Variants in PGF observed in about 807,000 individuals in gnomAD.
The protein encoded by PGF is placental growth factor.
PGF carries 11 observed loss-of-function variants against 25.3 expected under a neutral mutation model. The observed-to-expected ratio is 0.43, with a 90% CI of 0.27 to 0.72. PGF has a LOEUF of 0.72. PGF is among the 30% of genes least tolerant of loss of function. PGF has a pLI of 0.18. For synonymous variants in PGF, 105 were observed against 97.9 expected, an observed-to-expected ratio of 1.07 and a Z score of -0.43; for missense variants, 230 against 234.9, an observed-to-expected ratio of 0.98 and a Z score of 0.14.
Position 74,948,547 on chromosome 14 carries a change from C to T in PGF, c.352G>A (p.Val118Met), listed in dbSNP as rs140548843. 3.3e-5 allele frequency: 53 copies of T among 1,604,760 alleles called. No homozygotes were observed. Among genetic ancestry groups the T allele is most frequent in the African/African-American group, 2.0e-4 (15 of 74,712 alleles). ...KIRSGDRPSY[V>M]ELTFSQHVRC... ...ACGTGCTGAGAGAACGTCAGCTCCA[C>T]GTAGGAGGGCCGGTCCCCAGAACGG... The change falls in exon 4 of 7, where the codon GTG (valine) becomes ATG (methionine). Residue 118 changes from valine to methionine, a missense_variant. Transcript: ENST00000555567.
At chr14:74,946,522 C>G in intron 4 of PGF, 114 bp from the exon 5 acceptor site, 1 of 956,308 alleles carries the variant, frequency 1.0e-6, no homozygotes, top group East Asian at 2.6e-5. Context: ...CTGCAGCTGA[C>G]ACTGAGGCCA....
intron 4 of PGF, chr14:74,946,694 G>A: frequency 4.4e-6 from 3 of 680,440 alleles, no homozygotes; most frequent in Non-Finnish European, 5.4e-6. Flanking sequence ...ATCAAATTTG[G>A]TTGTTTCTGT....
At chr14:74,945,988 A>T (rs1281265566) in intron 6 of PGF, 1 of 570,184 alleles carries the variant, frequency 1.8e-6, no homozygotes, top group African/African-American at 1.9e-5. Flanking sequence ...CAAAGGTGAA[A>T]TGATTTGTTG....
rs138492900 is a variant in PGF at position 74,950,463 on chromosome 14, C to T, written c.119-910G>A. On this transcript the variant is annotated intron_variant, in intron 2 of 6. Transcript: ENST00000555567. The surrounding 1 kb of genome is among the most constrained non-coding windows in gnomAD (Gnocchi z 4.1). ...AGATGACATTTCACTGAGGATCATC[C>T]GGGTCATCCCTGACCTCACGATGTC... Among the ~76,000 whole-genome samples, 3 of 152,318 alleles carry T rather than the reference C, an allele frequency of 2.0e-5. No homozygotes were observed. Among genetic ancestry groups the T allele is most frequent in the East Asian group, 1.9e-4 (1 of 5,190 alleles).
At chr14:74,946,750 T>C (rs1888747258) in intron 4 of PGF, 1 of 704,054 alleles carries the variant, frequency 1.4e-6, no homozygotes, top group Non-Finnish European at 2.6e-6. Flanking sequence ...GCTGCTTTTT[T>C]CCGTTCCTTC....
At chr14:74,954,057 C>T (rs1888930043) in intron 1 of PGF, 111 bp from the exon 2 acceptor site, 1 of 962,016 alleles carries the variant, frequency 1.0e-6, no homozygotes. Flanking sequence ...TTCCCACTTG[C>T]TGCACATGCT....
At chr14:74,947,560 T>C (rs1888768772) in intron 4 of PGF, 1 of 152,224 alleles carries the variant, frequency 6.6e-6, no homozygotes, top group African/African-American at 2.4e-5. Context: ...TATTGAGCCT[T>C]GATTTTCTCA....
rs1164086684 is a variant in PGF, at chr14:74,942,662, A to C, written c.*44T>G. On this transcript the variant is annotated 3_prime_UTR_variant, in exon 7 of 7. Coordinates refer to ENST00000555567, the MANE Select transcript of PGF (RefSeq NM_002632.6). Reference sequence around the variant, plus strand: ...GTCACTGAAGAGTGTGACGGTAATAAATACACGAGCCGGGTGCGGGGTCTC... The same window carrying C: ...GTCACTGAAGAGTGTGACGGTAATACATACACGAGCCGGGTGCGGGGTCTC... 1 of 1,596,780 alleles carries C rather than the reference A, an allele frequency of 6.3e-7. No homozygotes were observed.
Position 74,953,803 on chromosome 14 carries a change from C to CT in PGF, c.118+100dup. 1 of 1,223,278 alleles carries CT rather than the reference C, an allele frequency of 8.2e-7. No homozygotes were observed. Among genetic ancestry groups the CT allele is most frequent in the Non-Finnish European group, 1.2e-6 (1 of 823,964 alleles). The allele number at this position is 1,223,278 out of a possible 1,614,324, so 75.8% of individuals were successfully genotyped here. A position where few individuals can be genotyped will look rare whatever the true frequency, so the allele number is the denominator to read the frequency against. ...TGTCTAGCTTGTAGGCTCTCCCCAGCTTTTATCAACCTGCACCCACGCTTC... is the reference window on the plus strand; with the variant it reads ...TGTCTAGCTTGTAGGCTCTCCCCAGCTTTTTATCAACCTGCACCCACGCTTC... On this transcript the variant is annotated intron_variant, in intron 2 of 6. Transcript: ENST00000555567. This position sits in a 1 kb window ranked among gnomAD's most constrained non-coding sequence, Gnocchi z 5.4.
At chr14:74,946,187 C>T (rs762590332) in intron 6 of PGF, 26 bp downstream of exon 6, 2 of 1,610,642 alleles carry the variant, frequency 1.2e-6, no homozygotes, top group Non-Finnish European at 1.7e-6. Context: ...AGCCTCCTCG[C>T]CATCCCTGGG....
intron 4 of PGF, chr14:74,947,621 A>G (rs1888770227): frequency 1.3e-5 from 2 of 152,242 alleles, no homozygotes; most frequent in African/African-American, 4.8e-5. Context: ...TTGTTATGAG[A>G]GCAGGAACCT....
rs1336910799 is a variant in PGF, at chr14:74,955,196, C to T, written c.47G>A (p.Gly16Glu). The change falls in exon 1 of 7, where the codon GGG (glycine) becomes GAG (glutamate). Residue 16 changes from glycine to glutamate, a missense_variant. Coordinates refer to ENST00000555567, the MANE Select transcript of PGF (RefSeq NM_002632.6). This position sits in a 1 kb window ranked among gnomAD's most constrained non-coding sequence, Gnocchi z 4.1. ...LFPCFLQLLA[G>E]LALPAVPPQQ... is the part of the protein sequence containing the mutation. ...GGGGGGCACAGCAGGCAGCGCCAGC[C>T]CGGCCAGGAGCTGCAGGAAGCAAGG... The T allele has an allele frequency of 2.6e-5, 39 of 1,490,546 alleles. No homozygotes were observed. The highest frequency in any genetic ancestry group is 3.5e-5 in the Non-Finnish European group (39 of 1,112,878). 92.3% of individuals were successfully genotyped at this position (1,490,546 alleles called of 1,614,324 possible).
intron 6 of PGF, chr14:74,944,950 C>T (rs1888694462): frequency 7.3e-6 from 1 of 136,750 alleles, no homozygotes; most frequent in African/African-American, 2.8e-5. Flanking sequence ...GAGACGGAGT[C>T]TTGCTCTGTC....
chr14:74,955,142 C>G lies in PGF; in HGVS notation c.75+26G>C, dbSNP rs115820345. 2.0e-3 allele frequency: 2,701 copies of G among 1,377,842 alleles called. 34 individuals are homozygous for G. In the African/African-American group the frequency reaches 0.036, roughly 18 times the overall value. 85.4% of individuals were successfully genotyped at this position (1,377,842 alleles called of 1,614,324 possible). On this transcript the variant is annotated intron_variant, in intron 1 of 6. Coordinates refer to ENST00000555567, the MANE Select transcript of PGF (RefSeq NM_002632.6). The surrounding 1 kb of genome is among the most constrained non-coding windows in gnomAD (Gnocchi z 4.1). ...TGCTGGGATGGGGAGGTCTGGGGAG[C>G]CAGGCTAGGTGGGGGTAGCTCTTAC...
intron 3 of PGF, 35 bp from the exon 4 acceptor site, chr14:74,948,618 AGTGG>A: frequency 7.0e-7 from 1 of 1,423,494 alleles, no homozygotes; most frequent in Non-Finnish European, 9.9e-7. Context: ...TGGATTGGGG[AGTGG>A]CCCACGAGTT....
chr14:74,953,435 T>C lies in PGF; in HGVS notation c.118+469A>G, dbSNP rs553394822. On this transcript the variant is annotated intron_variant, in intron 2 of 6. Transcript: ENST00000555567. This position sits in a 1 kb window ranked among gnomAD's most constrained non-coding sequence, Gnocchi z 5.4. ...AGGGAGGGCGCGACTATGTTCTGTC[T>C]GTTTATAATCAATGGAAACGCATGG... 2.8e-4 allele frequency among the ~76,000 whole-genome samples: 42 copies of C among 152,294 alleles called. 1 individual carries two copies. In the South Asian group the frequency reaches 8.5e-3, roughly 31 times the overall value.
In PGF at chr14:74,950,957, C is replaced by T. The variant is rs528234986; in HGVS notation, c.119-1404G>A. 6.6e-6 allele frequency among the ~76,000 whole-genome samples: 1 copy of T among 152,316 alleles called. No individual in the cohort carries two copies. Among genetic ancestry groups the T allele is most frequent in the South Asian group, 2.1e-4 (1 of 4,826 alleles). ...ACCCCTCATTTCTTCCATGCCTCTG[C>T]CTAGGAGGCAGAAGGGGCCAAAGTC... is the stretch of plus-strand genomic sequence containing the variant. On this transcript the variant is annotated intron_variant, in intron 2 of 6. Coordinates refer to ENST00000555567, the MANE Select transcript of PGF (RefSeq NM_002632.6). This position sits in a 1 kb window ranked among gnomAD's most constrained non-coding sequence, Gnocchi z 4.1.
At chr14:74,944,339 C>T (rs549864044) in intron 6 of PGF, among the ~76,000 whole-genome samples, 55 of 151,938 alleles carry the variant, frequency 3.6e-4, no homozygotes, top group Middle Eastern at 3.4e-3. Flanking sequence ...CCTAACCTTG[C>T]GATCCGCCCG....
chr14:74,949,714 C>T (rs1324703044), intron 2 of PGF, among the ~76,000 whole-genome samples, 161 bp from the exon 3 acceptor site: 1 of 152,206 alleles, frequency 6.6e-6, no homozygotes, highest in Non-Finnish European at 1.5e-5. Context: ...GAAATGCCTG[C>T]GGGCCCCTTA....
Sources: gnomAD v4.1 joint callset for allele counts (sites outside exome capture counted in the v4.1 genomes callset) on GRCh38, gnomAD v4.1.1 for gene constraint, Gnocchi (gnomAD v3.1) non-coding constraint, MANE v1.5 for transcripts, NCBI Gene and HGNC (gene_info 2026-07-23, HGNC 2026-07-21) for gene names.